Variants in FRMPD1 observed in about 807,000 individuals in gnomAD.
FRMPD1 encodes the protein FERM and PDZ domain containing 1, also known as FERM and PDZ domain-containing protein 1.
A neutral mutation model predicts 117.8 loss-of-function variants in FRMPD1; 76 were observed. The observed-to-expected ratio is 0.65, with a 90% CI of 0.54 to 0.78. The LOEUF is 0.78. Among genes scored for constraint, FRMPD1 ranks in the 30% least tolerant of loss-of-function variants. FRMPD1 has a pLI of 0.00. For synonymous variants in FRMPD1, 783 were observed against 770.4 expected, an observed-to-expected ratio of 1.02 and a Z score of -0.27; for missense variants, 1,786 against 1,964.5, an observed-to-expected ratio of 0.91 and a Z score of 1.72.
In FRMPD1 at chr9:37,744,445, A is replaced by T. The variant is rs151073886; in HGVS notation, c.2413A>T (p.Ser805Cys). 1 of 1,614,016 alleles carries T rather than the reference A, an allele frequency of 6.2e-7. No homozygotes were observed. The highest frequency in any genetic ancestry group is 1.7e-5 in the Admixed American group (1 of 60,016). ...TGCCACAAGCTTGCAGAATAAGGCCAGCACTTCTAGCCCTGAGAACAGCCT... is the reference window on the plus strand; with the variant it reads ...TGCCACAAGCTTGCAGAATAAGGCCTGCACTTCTAGCCCTGAGAACAGCCT... The part of the protein sequence containing the change: ...PSATSLQNKA[S>C]TSSPENSLPC... The change falls in exon 16 of 16, where the codon AGC becomes TGC. Residue 805 changes from serine to cysteine, a missense_variant. Physicochemically the swap from Ser to Cys is moderately radical, Grantham distance 112. Transcript: ENST00000377765.
intron 1 of FRMPD1, among the ~76,000 whole-genome samples, chr9:37,666,171 T>C (rs929423814): frequency 6.6e-6 from 1 of 152,134 alleles, no homozygotes; most frequent in Non-Finnish European, 1.5e-5. Flanking sequence ...TGACTAGATA[T>C]CAATTGGTAA....
At chr9:37,650,279 A>G (rs922599258), upstream of FRMPD1, among the ~76,000 whole-genome samples, 1 of 152,168 alleles carries the variant, frequency 6.6e-6, no homozygotes, top group Non-Finnish European at 1.5e-5. Flanking sequence ...GAGACGGCTC[A>G]GGGGGTCAGA....
At position 37,740,331 on chromosome 9, in the gene FRMPD1, G is replaced by A; in HGVS notation, c.1803G>A (p.Arg601=). Residue 601 remains arginine, a synonymous_variant, in exon 15 of 16, where the codon AGG becomes AGA. Coordinates refer to ENST00000377765, the MANE Select transcript of FRMPD1 (RefSeq NM_014907.3). The surrounding 1 kb of genome is among the most constrained non-coding windows in gnomAD (Gnocchi z 4.2). ...CCAACACTGAGAGCCGCGGCTACAG[G>A]ACCAGTGGCTCGAGTGAGTCCATGG... ...DSANTESRGY[R]TSGSSESMDA... 6.2e-7 allele frequency: 1 copy of A among 1,613,822 alleles called. No individual in the cohort carries two copies. Among genetic ancestry groups the A allele is most frequent in the African/African-American group, 1.3e-5 (1 of 75,040 alleles).
chr9:37,636,824 T>C, the FRMPD1 span: 2 of 1,612,028 alleles, frequency 1.2e-6, no homozygotes, highest in Admixed American at 1.7e-5. Context: ...CTGCTCGACA[T>C]TGGTGGCATT....
chr9:37,662,771 T>C (rs1821038985), intron 1 of FRMPD1, among the ~76,000 whole-genome samples: 1 of 152,114 alleles, frequency 6.6e-6, no homozygotes, highest in Non-Finnish European at 1.5e-5. Context: ...TCCTGCCTTC[T>C]TGGAAAGAAA....
intron 2 of FRMPD1, among the ~76,000 whole-genome samples, chr9:37,706,436 G>T (rs527770262): frequency 2.6e-5 from 4 of 152,148 alleles, no homozygotes; most frequent in Non-Finnish European, 5.9e-5. Context: ...GACCTTAACC[G>T]CAGAGTCCCA....
At chr9:37,713,600 T>TAGAG (rs1180267224) in intron 5 of FRMPD1, among the ~76,000 whole-genome samples, 1 of 149,698 alleles carries the variant, frequency 6.7e-6, no homozygotes, top group Non-Finnish European at 1.5e-5. Flanking sequence ...TATATATATG[T>TAGAG]AGAGAGAGAG....
the FRMPD1 span, among the ~76,000 whole-genome samples, chr9:37,629,689 A>T: frequency 1.6e-4 from 24 of 152,180 alleles, no homozygotes; most frequent in East Asian, 1.9e-3. Context: ...AGTGCTTTTT[A>T]AAAAAAATGT....
chr9:37,629,478 A>G, the FRMPD1 span, among the ~76,000 whole-genome samples: 1 of 152,184 alleles, frequency 6.6e-6, no homozygotes, highest in African/African-American at 2.4e-5. Flanking sequence ...GCAGCCCCCA[A>G]CCTTCGCTTC....
At chr9:37,743,894 CAAAA>C (rs1350194975) in intron 15 of FRMPD1, among the ~76,000 whole-genome samples, 1 of 136,060 alleles carries the variant, frequency 7.3e-6, no homozygotes, top group African/African-American at 2.7e-5. Context: ...GACCCTGTCT[CAAAA>C]AAAAAGAAAA....
chr9:37,700,387 G>C (rs534932166), intron 2 of FRMPD1, among the ~76,000 whole-genome samples: 1 of 152,076 alleles, frequency 6.6e-6, no homozygotes, highest in Non-Finnish European at 1.5e-5. Context: ...CTCTATTTCT[G>C]GTTTCTTTGA....
At chr9:37,686,872 G>A (rs1180788281) in intron 1 of FRMPD1, among the ~76,000 whole-genome samples, 2 of 152,178 alleles carry the variant, frequency 1.3e-5, no homozygotes, top group Admixed American at 1.3e-4. Flanking sequence ...GTCAGACATT[G>A]TGCCTCTTCC....
chr9:37,702,007 C>T (rs1042203126), intron 2 of FRMPD1, among the ~76,000 whole-genome samples: 3 of 152,090 alleles, frequency 2.0e-5, no homozygotes, highest in Non-Finnish European at 4.4e-5. Flanking sequence ...CTGGCTTGAG[C>T]AATTGTCATT....
chr9:37,647,959 ATCTTGGGTAAGCGACTTTACT>A (rs1460091395), upstream of FRMPD1, among the ~76,000 whole-genome samples: 2 of 152,230 alleles, frequency 1.3e-5, no homozygotes, highest in African/African-American at 2.4e-5. Flanking sequence ...AAGCTGTGGA[ATCTTGGGTAAGCGACTTTACT>A]TCTTGGAGCC....
At chr9:37,713,676 T>C (rs758988380) in intron 5 of FRMPD1, among the ~76,000 whole-genome samples, 7 of 152,058 alleles carry the variant, frequency 4.6e-5, no homozygotes, top group Non-Finnish European at 7.4e-5. Flanking sequence ...ATATATAGTG[T>C]GTGTGTGTAT....
chr9:37,642,669 T>C, the FRMPD1 span, among the ~76,000 whole-genome samples: 1 of 152,224 alleles, frequency 6.6e-6, no homozygotes, highest in South Asian at 2.1e-4. Flanking sequence ...GCTATTCACA[T>C]TGCCTGGAAG....
At chr9:37,639,311 A>G in the FRMPD1 span, among the ~76,000 whole-genome samples, 1 of 152,054 alleles carries the variant, frequency 6.6e-6, no homozygotes, top group Non-Finnish European at 1.5e-5. Context: ...GGAATGCAAC[A>G]TGATCTGAGA....
At chr9:37,744,285 C>A in intron 15 of FRMPD1, 104 bp from the exon 16 acceptor site, 2 of 783,870 alleles carry the variant, frequency 2.6e-6, no homozygotes, top group Non-Finnish European at 4.2e-6. Context: ...GGTTACACAG[C>A]CTAGCCAGAA....
intron 1 of FRMPD1, chr9:37,668,482 C>G (rs1331142228): frequency 6.6e-6 from 1 of 152,230 alleles, no homozygotes; most frequent in Non-Finnish European, 1.5e-5. Flanking sequence ...TTAAAAATAG[C>G]TGTGTGCTGG....
Sources: gnomAD v4.1 joint callset for allele counts (sites outside exome capture counted in the v4.1 genomes callset) on GRCh38, gnomAD v4.1.1 for gene constraint, Gnocchi (gnomAD v3.1) non-coding constraint, MANE v1.5 for transcripts, NCBI Gene and HGNC (gene_info 2026-07-23, HGNC 2026-07-21) for gene names.